The following CACNB4 variants were observed in gnomAD, a reference collection of about 807,000 sequenced individuals.
CACNB4 encodes the protein calcium voltage-gated channel auxiliary subunit beta 4.
A neutral mutation model predicts 71.2 loss-of-function variants in CACNB4; 32 were observed. The ratio of observed to expected loss-of-function variants is 0.45; its 90% confidence interval spans 0.34 to 0.60. The LOEUF is 0.60. Among genes scored for constraint, CACNB4 ranks in the 20% least tolerant of loss-of-function variants. The probability of loss-of-function intolerance (pLI) is 0.01; values close to 1 mark genes in which losing one functional copy is unlikely to be tolerated. For synonymous variants in CACNB4, 231 were observed against 236.9 expected (o/e 0.97, Z 0.23); for missense variants, 464 against 647.9 (o/e 0.72, Z 3.08).
chr2:152,008,982 T>C (rs1405987176), intron 2 of CACNB4, among the ~76,000 whole-genome samples: 1 of 152,054 alleles, frequency 6.6e-6, no homozygotes, highest in Non-Finnish European at 1.5e-5. Context: ...GGAGGATTAA[T>C]GAAGAAAATG....
At chr2:151,976,184 G>C (rs2099873760) in intron 2 of CACNB4, among the ~76,000 whole-genome samples, 1 of 152,246 alleles carries the variant, frequency 6.6e-6, no homozygotes, top group Non-Finnish European at 1.5e-5. Context: ...ACTAAGAATA[G>C]ATGTGAAGGG....
chr2:151,956,758 T>C (rs997864751), intron 2 of CACNB4, among the ~76,000 whole-genome samples: 2 of 152,212 alleles, frequency 1.3e-5, no homozygotes, highest in East Asian at 1.9e-4. Context: ...TCTAGGATTG[T>C]AGGCGAGGAG....
At chr2:152,085,825 A>AAC (rs1553836053) in intron 2 of CACNB4, among the ~76,000 whole-genome samples, 58 of 149,826 alleles carry the variant, frequency 3.9e-4, no homozygotes, top group Non-Finnish European at 4.7e-4. Flanking sequence ...AAAAAAAAAA[A>AAC]AAACAAACAA....
At chr2:151,973,413 A>C in intron 2 of CACNB4, 1 of 501,932 alleles carries the variant, frequency 2.0e-6, no homozygotes. Context: ...CCGGTAATGT[A>C]TAAATTCAAA....
At chr2:151,933,994 C>T (rs140102787) in intron 2 of CACNB4, among the ~76,000 whole-genome samples, 25 of 152,182 alleles carry the variant, frequency 1.6e-4, no homozygotes, top group African/African-American at 5.8e-4. Flanking sequence ...TCCTGTCCTA[C>T]TCTGAAGAGA....
intron 2 of CACNB4, among the ~76,000 whole-genome samples, chr2:151,937,105 A>G (rs900657069): frequency 1.3e-5 from 2 of 152,228 alleles, no homozygotes; most frequent in African/African-American, 4.8e-5. Flanking sequence ...TTCAGCAACA[A>G]ATAAGTACCA....
intron 2 of CACNB4, among the ~76,000 whole-genome samples, chr2:151,891,170 T>A (rs1370348150): frequency 6.6e-6 from 1 of 152,254 alleles, no homozygotes; most frequent in East Asian, 1.9e-4. Context: ...CCCTTCCTGT[T>A]GTGCTGGCTA....
In CACNB4 at chr2:151,860,692, C is replaced by CTT. The variant is rs1559880757; in HGVS notation, c.868+18_868+19insAA. The CTT allele has an allele frequency of 6.6e-7, 1 of 1,510,480 alleles. No individual in the cohort carries two copies. Among genetic ancestry groups the CTT allele is most frequent in the Admixed American group, 1.7e-5 (1 of 59,898 alleles). The allele number at this position is 1,510,480 out of a possible 1,614,324, so 93.6% of individuals were successfully genotyped here. A position where few individuals can be genotyped will look rare whatever the true frequency, so the allele number is the denominator to read the frequency against. On this transcript the variant is annotated intron_variant, in intron 10 of 13. Coordinates refer to ENST00000539935, the MANE Select transcript of CACNB4 (RefSeq NM_000726.5). ...TCTGTAAGCACAGCTTGAAGAAGTA[C>CTT]CACATTTGAACATCTTACCTAAGCT...
chr2:151,968,535 G>A (rs1474833743), intron 2 of CACNB4: 1 of 152,074 alleles, frequency 6.6e-6, no homozygotes, highest in Non-Finnish European at 1.5e-5. Flanking sequence ...GGTAAGAGAC[G>A]GTAAAGGGGA....
chr2:151,956,688 T>C (rs1011377805), intron 2 of CACNB4, among the ~76,000 whole-genome samples: 2 of 152,224 alleles, frequency 1.3e-5, no homozygotes, highest in African/African-American at 4.8e-5. Context: ...ATGTGAATTA[T>C]ATGCAGTGAA....
intron 2 of CACNB4, among the ~76,000 whole-genome samples, chr2:152,003,721 C>T (rs764872218): frequency 6.6e-6 from 1 of 151,448 alleles, no homozygotes; most frequent in Non-Finnish European, 1.5e-5. Context: ...ATTGTATTGA[C>T]TATATTTAGA....
Position 152,065,791 on chromosome 2 carries a change from C to T in CACNB4, c.147+32539G>A, listed in dbSNP as rs115140491. ...TAAGATGGGTTGTCACTCTGTTGCTCAGGCTGGAATGCACTGGTGCAATCA... is the reference window on the plus strand; with the variant it reads ...TAAGATGGGTTGTCACTCTGTTGCTTAGGCTGGAATGCACTGGTGCAATCA... On this transcript the variant is annotated intron_variant, in intron 2 of 13. Coordinates refer to ENST00000539935, the MANE Select transcript of CACNB4 (RefSeq NM_000726.5). Among the ~76,000 whole-genome samples, 437 of 152,228 alleles carry T rather than the reference C, an allele frequency of 2.9e-3. 4 individuals are homozygous for T. Among genetic ancestry groups the T allele is most frequent in the Non-Finnish European group, 3.8e-3 (260 of 68,018 alleles).
At chr2:151,856,447 G>A (rs2099840337) in intron 10 of CACNB4, among the ~76,000 whole-genome samples, 1 of 151,780 alleles carries the variant, frequency 6.6e-6, no homozygotes, top group African/African-American at 2.4e-5. Flanking sequence ...GGGATTATAG[G>A]CACACGCCAC....
At chr2:151,896,502 G>C (rs901759717) in intron 2 of CACNB4, among the ~76,000 whole-genome samples, 2 of 152,130 alleles carry the variant, frequency 1.3e-5, no homozygotes, top group Non-Finnish European at 2.9e-5. Flanking sequence ...ACTCCTTACA[G>C]CACTGCTTTC....
At chr2:152,018,385 A>C (rs557521622) in intron 2 of CACNB4, among the ~76,000 whole-genome samples, 55 of 152,294 alleles carry the variant, frequency 3.6e-4, no homozygotes, top group Admixed American at 1.2e-3. Context: ...CACACCTGAA[A>C]AAAAGGACTA....
chr2:152,082,422 G>A (rs902397831), intron 2 of CACNB4, among the ~76,000 whole-genome samples: 1 of 152,212 alleles, frequency 6.6e-6, no homozygotes, highest in Non-Finnish European at 1.5e-5. Context: ...CTCAGAATCA[G>A]TAGGGAATTG....
intron 2 of CACNB4, among the ~76,000 whole-genome samples, chr2:152,064,846 C>A (rs949281085): frequency 6.6e-6 from 1 of 152,162 alleles, no homozygotes; most frequent in Non-Finnish European, 1.5e-5. Flanking sequence ...CTAAGAAATT[C>A]TGTCTAGATT....
intron 2 of CACNB4, among the ~76,000 whole-genome samples, chr2:152,089,775 TA>T (rs201961333): frequency 7.1e-6 from 1 of 140,432 alleles, no homozygotes; most frequent in Non-Finnish European, 1.6e-5. Flanking sequence ...CTACTAAAAG[TA>T]AAAAAAAAGA....
intron 12 of CACNB4, among the ~76,000 whole-genome samples, chr2:151,842,497 AT>A (rs898260874): frequency 6.6e-6 from 1 of 151,186 alleles, no homozygotes; most frequent in Admixed American, 6.6e-5. Flanking sequence ...CGTCCAGCTA[AT>A]TTTTTTGTAT....
Sources: gnomAD v4.1 joint callset for allele counts (sites outside exome capture counted in the v4.1 genomes callset) on GRCh38, gnomAD v4.1.1 for gene constraint, MANE v1.5 for transcripts, NCBI Gene and HGNC (gene_info 2026-07-23, HGNC 2026-07-21) for gene names.